The following QRICH2 variants were observed in gnomAD, a reference collection of about 807,000 sequenced individuals.
The protein encoded by QRICH2 is glutamine-rich protein 2.
In QRICH2, 119 loss-of-function variants were observed where a neutral mutation model predicts 168.3. The ratio of observed to expected loss-of-function variants is 0.71; its 90% CI spans 0.61 to 0.82. The LOEUF (loss-of-function observed/expected upper bound fraction) is 0.82. QRICH2 is among the 40% of genes least tolerant of loss of function. The pLI is 0.00. For missense variants in QRICH2, 2,241 were observed against 2,491.6 expected (o/e 0.90, Z 2.14); for synonymous variants, 894 against 951.2 (o/e 0.94, Z 1.11).
intron 3 of QRICH2, among the ~76,000 whole-genome samples, chr17:76,303,552 GAC>G (rs2070938669): frequency 6.6e-6 from 1 of 152,126 alleles, no homozygotes; most frequent in Non-Finnish European, 1.5e-5. Flanking sequence ...TCTCAAGACA[GAC>G]AGATGCATGC....
chr17:76,276,424 C>G (rs1330633499), intron 17 of QRICH2, among the ~76,000 whole-genome samples: 1 of 152,214 alleles, frequency 6.6e-6, no homozygotes, highest in African/African-American at 2.4e-5. Flanking sequence ...GAGAGCCCAG[C>G]AGTGCAGCCG....
intron 18 of QRICH2, among the ~76,000 whole-genome samples, chr17:76,274,836 G>A (rs1162597988): frequency 6.6e-6 from 1 of 152,206 alleles, no homozygotes; most frequent in Non-Finnish European, 1.5e-5. Flanking sequence ...TCACCTCTCT[G>A]TGCCTCAGTT....
chr17:76,307,567 C>A lies in QRICH2; in HGVS notation c.432G>T (p.Ala144=). Residue 144 remains alanine, a synonymous_variant, in exon 1 of 19, where the codon GCG becomes GCT. Transcript: ENST00000680821. This position sits in a 1 kb window ranked among gnomAD's most constrained non-coding sequence, Gnocchi z 5.3. ...FSQASGLDLA[A]LEWPEEQEVG... ...CCTCCTGCTCCTCCGGCCACTCTAG[C>A]GCGGCCAGGTCAAGCCCGCTGGCCT... 3.2e-6 allele frequency: 5 copies of A among 1,578,748 alleles called. No individual in the cohort carries two copies. Among genetic ancestry groups the A allele is most frequent in the Middle Eastern group, 1.7e-4 (1 of 6,016 alleles).
At chr17:76,296,275 T>C (rs1598498035) in intron 3 of QRICH2, among the ~76,000 whole-genome samples, 2 of 152,108 alleles carry the variant, frequency 1.3e-5, no homozygotes, top group East Asian at 3.9e-4. Flanking sequence ...TCCTACATAC[T>C]GGATATCAAG....
intron 17 of QRICH2, 42 bp downstream of exon 17, chr17:76,276,638 G>A (rs756073256): frequency 6.6e-7 from 1 of 1,504,784 alleles, no homozygotes; most frequent in Non-Finnish European, 9.2e-7. Flanking sequence ...ACGCCCTGTG[G>A]GACCCACGTG....
In QRICH2 at chr17:76,291,655, T is replaced by G. The variant is rs773075330; in HGVS notation, c.3072A>C (p.Pro1024=). The change falls in exon 4 of 19, where the codon CCA becomes CCC. Residue 1024 remains proline, a synonymous_variant. Transcript: ENST00000680821. ...PGREQYGQVS[P]LLASQGLASP... is the part of the protein sequence containing the mutation. ...ATGCCAAACCTTGACTGGCTAGGAG[T>G]GGTGACACCTGGCCGTATTGTTCTC... 6.2e-6 allele frequency: 10 copies of G among 1,613,858 alleles called. No homozygotes were observed. In the African/African-American group the frequency reaches 1.3e-4, roughly 22 times the overall value.
rs1216434552 is a variant in QRICH2, at chr17:76,292,202, AC to A, written c.2524del (p.Val842SerfsTer50). 1 of 1,523,982 alleles carries A rather than the reference AC, an allele frequency of 6.6e-7. No homozygotes were observed. The highest frequency in any genetic ancestry group is 8.9e-7 in the Non-Finnish European group (1 of 1,122,386). The allele number at this position is 1,523,982 out of a possible 1,614,324, so 94.4% of individuals were successfully genotyped here. The part of the protein sequence containing the change: ...VQPGAVQRGL[V>X]QPGAVQHGLV... ...ACCATGCTGAACTGCACCAGGTTGG[AC>A]CAAACCACGCTGAACTGCACCAGGT... is the stretch of plus-strand genomic sequence containing the variant. On this transcript the variant is annotated frameshift_variant, in exon 4 of 19. Coordinates refer to ENST00000680821, the MANE Select transcript of QRICH2 (RefSeq NM_001388453.1). LOFTEE classifies it high-confidence loss of function.
chr17:76,286,481 C>T (rs2070886961), intron 7 of QRICH2, among the ~76,000 whole-genome samples: 1 of 152,096 alleles, frequency 6.6e-6, no homozygotes, highest in South Asian at 2.1e-4. Flanking sequence ...TCGTGGTTGT[C>T]AGGGGCTGAG....
At chr17:76,298,517 T>C (rs4789276) in intron 3 of QRICH2, among the ~76,000 whole-genome samples, 73,294 of 151,884 alleles carry the variant, frequency 0.48, 21,148 homozygotes, top group African/African-American at 0.8. Context: ...GACGGGGTCT[T>C]AATATGTTGC....
intron 7 of QRICH2, among the ~76,000 whole-genome samples, chr17:76,283,887 G>A (rs1300534098): frequency 5.0e-5 from 6 of 119,818 alleles, no homozygotes; most frequent in East Asian, 4.8e-4. Flanking sequence ...AAAAAAAAGC[G>A]GGGTGCAGTG....
At chr17:76,296,879 G>A (rs956048672) in intron 3 of QRICH2, among the ~76,000 whole-genome samples, 5 of 152,094 alleles carry the variant, frequency 3.3e-5, no homozygotes, top group South Asian at 2.1e-4. Context: ...TGATGAGCAC[G>A]CATTTGATGA....
At chr17:76,286,169 C>T (rs915993451) in intron 7 of QRICH2, among the ~76,000 whole-genome samples, 31 of 129,140 alleles carry the variant, frequency 2.4e-4, no homozygotes, top group African/African-American at 1.0e-3. Context: ...AGCAAGACTC[C>T]GTCTCAAAAA....
Position 76,307,596 on chromosome 17 carries a change from A to C in QRICH2, c.403T>G (p.Ser135Ala). The part of the protein sequence containing the change: ...QGIATHVQHF[S>A]QASGLDLAAL... ...GCCAGGTCAAGCCCGCTGGCCTGGG[A>C]GAAGTGCTGCACGTGCGTGGCGATG... is the stretch of plus-strand genomic sequence containing the variant. The change falls in exon 1 of 19, where the codon TCC becomes GCC. Residue 135 changes from serine (S) to alanine (A), a missense_variant. Ser to Ala is a moderately conservative substitution (Grantham distance 99, BLOSUM62 1). Transcript: ENST00000680821. This position sits in a 1 kb window ranked among gnomAD's most constrained non-coding sequence, Gnocchi z 5.3. 1 of 1,553,600 alleles carries C rather than the reference A, an allele frequency of 6.4e-7. No homozygotes were observed. The highest frequency in any genetic ancestry group is 8.7e-7 in the Non-Finnish European group (1 of 1,148,194).
chr17:76,293,072 T>C lies in QRICH2; in HGVS notation c.1655A>G (p.Gln552Arg), dbSNP rs140776408. The change falls in exon 4 of 19, where the codon CAG (glutamine) becomes CGG (arginine). Residue 552 changes from glutamine (Q) to arginine (R), a missense_variant. Coordinates refer to ENST00000680821, the MANE Select transcript of QRICH2 (RefSeq NM_001388453.1). ...PISADQQGFV[Q>R]PSLEATGFIQ... is the part of the protein sequence containing the mutation. ...GAAGCCAGTTGCTTCCAAACTGGGC[T>C]GCACAAAACCTTGCTGATCTGCACT... 6.2e-6 allele frequency: 10 copies of C among 1,614,250 alleles called. No individual in the cohort carries two copies. Among genetic ancestry groups the C allele is most frequent in the Non-Finnish European group, 8.5e-6 (10 of 1,180,046 alleles).
rs762392774 is a variant in QRICH2 at position 76,293,708 on chromosome 17, T to G, written c.1019A>C (p.Asp340Ala). 1.2e-6 allele frequency: 2 copies of G among 1,614,030 alleles called. No homozygotes were observed. Among genetic ancestry groups the G allele is most frequent in the African/African-American group, 2.7e-5 (2 of 74,912 alleles). ...SSTFQFKSDS[D>A]RHRSREKLTS... is the part of the protein sequence containing the mutation. Reference sequence around the variant, plus strand: ...AAGCTTCTCTCTACTCCTGTGACGATCTGAGTCTGATTTGAATTGGAATGT... The same window carrying G: ...AAGCTTCTCTCTACTCCTGTGACGAGCTGAGTCTGATTTGAATTGGAATGT... Residue 340 changes from aspartate (D) to alanine (A), a missense_variant, in exon 4 of 19, where the codon GAT becomes GCT. This residue lies in a region of QRICH2 where 2,047 missense variants were observed against 2,303.8 expected (regional missense o/e 0.89). Coordinates refer to ENST00000680821, the MANE Select transcript of QRICH2 (RefSeq NM_001388453.1).
chr17:76,281,863 C>A lies in QRICH2; in HGVS notation c.4263+1G>T. On this transcript the variant is annotated splice_donor_variant, in intron 8 of 18. Coordinates refer to ENST00000680821, the MANE Select transcript of QRICH2 (RefSeq NM_001388453.1). LOFTEE classifies it high-confidence loss of function. This position sits in a 1 kb window ranked among gnomAD's most constrained non-coding sequence, Gnocchi z 4.4. ...CAGGAGGGAGGCGAGCAGAGCCCCA[C>A]CTGTCTCTGGAGCTTGGCCTTCTTG... 6.2e-7 allele frequency: 1 copy of A among 1,612,474 alleles called. No homozygotes were observed. Among genetic ancestry groups the A allele is most frequent in the Non-Finnish European group, 8.5e-7 (1 of 1,179,174 alleles).
At position 76,291,274 on chromosome 17, in the gene QRICH2, A is replaced by G; in HGVS notation, c.3453T>C (p.Asp1151=). 6.2e-7 allele frequency: 1 copy of G among 1,614,196 alleles called. No individual in the cohort carries two copies. The highest frequency in any genetic ancestry group is 8.5e-7 in the Non-Finnish European group (1 of 1,180,024). The change falls in exon 4 of 19, where the codon GAT becomes GAC. Residue 1151 remains aspartate (D), a synonymous_variant. Coordinates refer to ENST00000680821, the MANE Select transcript of QRICH2 (RefSeq NM_001388453.1). ...GIPAQKAPGQ[D]VTLFRSPDSV... ...AGTCTGGACTCCTGAAAAGAGTGAC[A>G]TCTTGGCCTGGGGCCTTCTGGGCAG...
In QRICH2 at chr17:76,292,601, C is replaced by T. The variant is rs202097466; in HGVS notation, c.2126G>A (p.Gly709Asp). The T allele has an allele frequency of 1.1e-5, 17 of 1,614,142 alleles. No homozygotes were observed. The highest frequency in any genetic ancestry group is 1.6e-4 in the Middle Eastern group (1 of 6,062). Residue 709 changes from glycine (G) to aspartate (D), a missense_variant, in exon 4 of 19, where the codon GGT becomes GAT. Gly to Asp is a moderately conservative substitution (Grantham distance 94, BLOSUM62 -1). Coordinates refer to ENST00000680821, the MANE Select transcript of QRICH2 (RefSeq NM_001388453.1). ...CTGATCTGCACCAGATTGTACCAAA[C>T]CATGCTGATCTGCACCAGGTTGCAC... ...DVVQPGADQH[G>D]LVQSGADQSD...
intron 7 of QRICH2, among the ~76,000 whole-genome samples, chr17:76,284,252 G>A (rs2070842188): frequency 7.1e-6 from 1 of 140,346 alleles, no homozygotes; most frequent in Admixed American, 6.8e-5. Context: ...TTCCTAGGTG[G>A]TTCTTCTGTG....
Sources: gnomAD v4.1 joint callset for allele counts (sites outside exome capture counted in the v4.1 genomes callset) on GRCh38, gnomAD v4.1.1 for gene constraint, gnomAD v4.1.1 regional missense constraint, Gnocchi (gnomAD v3.1) non-coding constraint, MANE v1.5 for transcripts, NCBI Gene and HGNC (gene_info 2026-07-23, HGNC 2026-07-21) for gene names.